Variants in PTPRR observed in about 807,000 individuals in gnomAD.
PTPRR encodes the protein protein tyrosine phosphatase receptor type R.
In PTPRR, 38 loss-of-function variants were observed where a neutral mutation model predicts 77.2. That is an observed-to-expected ratio of 0.49 (90% CI 0.38 to 0.65). The LOEUF is 0.65. Ranked by LOEUF, PTPRR falls within the 30% of genes least tolerant of loss-of-function variation. The pLI is 0.00. For missense variants in PTPRR, 744 were observed against 799.2 expected, an observed-to-expected ratio of 0.93 and a Z score of 0.83; for synonymous variants, 299 against 283.1, an observed-to-expected ratio of 1.06 and a Z score of -0.57.
chr12:70,662,581 T>C lies in PTPRR; in HGVS notation c.1522A>G (p.Lys508Glu), dbSNP rs879128290. 1.6e-5 allele frequency: 26 copies of C among 1,611,426 alleles called. No homozygotes were observed. Among genetic ancestry groups the C allele is most frequent in the Non-Finnish European group, 2.2e-5 (26 of 1,177,972 alleles). Residue 508 changes from lysine (K) to glutamate (E), a missense_variant, in exon 11 of 14, where the codon AAG (lysine) becomes GAG (glutamate). Transcript: ENST00000283228. ...NEKCVLYWPEKRGIYGKVEVL... is the reference protein window; with the variant it reads ...NEKCVLYWPEERGIYGKVEVL... ...TCAACTTTTCCATATATCCCTCTCT[T>C]TTCCGGCCAGTATAGCACACATTTC...
chr12:70,739,472 T>C (rs557545027), intron 6 of PTPRR, among the ~76,000 whole-genome samples: 1 of 152,336 alleles, frequency 6.6e-6, no homozygotes, highest in South Asian at 2.1e-4. Context: ...TGGAAGATTC[T>C]TTAGAAACAG....
intron 2 of PTPRR, among the ~76,000 whole-genome samples, chr12:70,795,940 T>G (rs567854946): frequency 0.019 from 2,466 of 133,254 alleles, 38 homozygotes; most frequent in African/African-American, 0.06. Context: ...TTTTTTTTTT[T>G]TGACACAGAG....
At chr12:70,804,127 C>G (rs1056595184) in intron 2 of PTPRR, among the ~76,000 whole-genome samples, 3 of 129,294 alleles carry the variant, frequency 2.3e-5, no homozygotes, top group African/African-American at 8.2e-5. Flanking sequence ...CTTGTTTCAC[C>G]TGTTCCTGGC....
intron 2 of PTPRR, among the ~76,000 whole-genome samples, chr12:70,855,607 C>T (rs1478127721): frequency 6.6e-6 from 1 of 152,136 alleles, no homozygotes; most frequent in Non-Finnish European, 1.5e-5. Context: ...CAGAAACTGC[C>T]AACCTTGAGC....
intron 6 of PTPRR, among the ~76,000 whole-genome samples, chr12:70,744,205 T>C (rs1890139930): frequency 1.3e-5 from 2 of 152,212 alleles, no homozygotes; most frequent in African/African-American, 4.8e-5. Context: ...GAGGTCCAGA[T>C]GAGTGAATGA....
At chr12:70,777,971 G>A (rs1031089563) in intron 2 of PTPRR, among the ~76,000 whole-genome samples, 2 of 152,162 alleles carry the variant, frequency 1.3e-5, no homozygotes, top group African/African-American at 4.8e-5. Context: ...ATATTCAAAT[G>A]GATTCAATGC....
At chr12:70,663,370 C>T (rs948832921) in intron 10 of PTPRR, among the ~76,000 whole-genome samples, 9 of 152,270 alleles carry the variant, frequency 5.9e-5, no homozygotes, top group African/African-American at 1.9e-4. Context: ...TGTGAATCCA[C>T]GAACAAGATA....
chr12:70,909,993 T>C (rs1434984483), intron 1 of PTPRR, among the ~76,000 whole-genome samples: 2 of 152,200 alleles, frequency 1.3e-5, no homozygotes, highest in African/African-American at 4.8e-5. Flanking sequence ...TTTTAAAAAT[T>C]GGGACATGCT....
At chr12:70,695,265 C>A (rs1390940285) in intron 8 of PTPRR, among the ~76,000 whole-genome samples, 1 of 152,162 alleles carries the variant, frequency 6.6e-6, no homozygotes, top group Non-Finnish European at 1.5e-5. Flanking sequence ...AATTCTTGAT[C>A]ATTTAATAAT....
chr12:70,768,613 T>C (rs949011079), intron 2 of PTPRR, among the ~76,000 whole-genome samples: 1 of 152,196 alleles, frequency 6.6e-6, no homozygotes, highest in African/African-American at 2.4e-5. Context: ...CTTCTGAAAC[T>C]ATTCCAATCA....
intron 2 of PTPRR, among the ~76,000 whole-genome samples, chr12:70,855,526 G>A (rs1005313206): frequency 2.0e-5 from 3 of 152,156 alleles, no homozygotes; most frequent in African/African-American, 4.8e-5. Flanking sequence ...TACCAAGGAG[G>A]CTACAAGGAT....
chr12:70,728,528 A>AATATATATATATATATATAT (rs71068723), intron 6 of PTPRR, among the ~76,000 whole-genome samples: 10 of 80,136 alleles, frequency 1.2e-4, no homozygotes, highest in Admixed American at 2.8e-4. Context: ...CCAAAATCTG[A>AATATATATATATATATATAT]ATATATATAT....
chr12:70,654,248 T>C (rs1316928022), intron 13 of PTPRR, among the ~76,000 whole-genome samples: 1 of 152,134 alleles, frequency 6.6e-6, no homozygotes, highest in Admixed American at 6.6e-5. Context: ...TAGCACATAG[T>C]GCTCAAAGCA....
chr12:70,750,906 C>CTTT (rs35134063), intron 5 of PTPRR, among the ~76,000 whole-genome samples: 1 of 141,184 alleles, frequency 7.1e-6, no homozygotes, highest in Admixed American at 7.1e-5. Context: ...TTTTTAAACC[C>CTTT]TTTTTTTTTT....
At chr12:70,703,495 TGAA>T (rs1355968694) in intron 6 of PTPRR, among the ~76,000 whole-genome samples, 1 of 152,200 alleles carries the variant, frequency 6.6e-6, no homozygotes, top group Non-Finnish European at 1.5e-5. Flanking sequence ...GGCAAATAGT[TGAA>T]GAAGAGCAAA....
At chr12:70,824,966 T>C (rs576689727) in intron 2 of PTPRR, among the ~76,000 whole-genome samples, 10 of 152,196 alleles carry the variant, frequency 6.6e-5, no homozygotes, top group East Asian at 1.9e-4. Flanking sequence ...CGTTGCTCCA[T>C]GTACAGTCAA....
intron 4 of PTPRR, among the ~76,000 whole-genome samples, chr12:70,759,151 G>A (rs1890630244): frequency 1.3e-5 from 2 of 152,194 alleles, no homozygotes; most frequent in Middle Eastern, 6.8e-3. Flanking sequence ...GCTCAGGTTG[G>A]TCTCAAACTC....
chr12:70,686,610 T>C (rs1285216129), intron 8 of PTPRR, among the ~76,000 whole-genome samples: 1 of 152,194 alleles, frequency 6.6e-6, no homozygotes, highest in Non-Finnish European at 1.5e-5. Context: ...CTCCTTGCGC[T>C]CTTTCTTGAG....
chr12:70,817,375 CA>C (rs1891923289), intron 2 of PTPRR, among the ~76,000 whole-genome samples: 2 of 152,032 alleles, frequency 1.3e-5, no homozygotes, highest in Admixed American at 1.3e-4. Context: ...AGTATTGTAT[CA>C]ACGTTATTTT....
Sources: gnomAD v4.1 joint callset for allele counts (sites outside exome capture counted in the v4.1 genomes callset) on GRCh38, gnomAD v4.1.1 for gene constraint, MANE v1.5 for transcripts, NCBI Gene and HGNC (gene_info 2026-07-23, HGNC 2026-07-21) for gene names.